Variants in ENOX2 observed in about 807,000 individuals in gnomAD.
ENOX2 encodes APK1 antigen.
A neutral mutation model predicts 45.0 loss-of-function variants in ENOX2; 36 were observed. The observed-to-expected ratio is 0.80, with a 90% CI of 0.61 to 1.06. ENOX2 has a LOEUF of 1.06. ENOX2 is among the 50% of genes least tolerant of loss of function. The pLI, the probability that ENOX2 is intolerant of heterozygous loss-of-function variation, is 0.00. For synonymous variants in ENOX2, 174 were observed against 152.3 expected, an observed-to-expected ratio of 1.14 and a Z score of -1.05; for missense variants, 423 against 462.5, an observed-to-expected ratio of 0.91 and a Z score of 0.78.
chrX:130,807,118 A>G (rs192232324), intron 2 of ENOX2, among the ~76,000 whole-genome samples: 4 of 112,445 alleles, frequency 3.6e-5, no homozygotes, highest in Non-Finnish European at 3.8e-5. Flanking sequence ...AAGGTCATTT[A>G]CTTTCCAATA....
chrX:130,635,563 TTAA>T (rs2035910604), intron 11 of ENOX2, among the ~76,000 whole-genome samples: 1 of 112,379 alleles, frequency 8.9e-6, no homozygotes, highest in Admixed American at 9.4e-5. Flanking sequence ...TTTAGCATTA[TTAA>T]TAATTTCAAC....
rs979947092 is a variant in ENOX2 at position 130,623,731 on chromosome X, T to C, written c.*1583A>G. The C allele has an allele frequency of 9.0e-6, 1 of 111,083 alleles. No individual in the cohort carries two copies. The highest frequency in any genetic ancestry group is 1.9e-5 in the Non-Finnish European group (1 of 53,052). The allele number at this position is 111,083 out of a possible 1,213,427, so 9.2% of individuals were successfully genotyped here. A position where few individuals can be genotyped will look rare whatever the true frequency, so the allele number is the denominator to read the frequency against. ...CCTGCTGGTGCCACAGCAGGGTGCT[T>C]CAGGGGGAAGCCAGTTTTCAGCACG... On this transcript the variant is annotated 3_prime_UTR_variant, in exon 15 of 15. Transcript: ENST00000394363.
intron 2 of ENOX2, among the ~76,000 whole-genome samples, chrX:130,852,959 T>C (rs184608467): frequency 3.1e-4 from 35 of 111,288 alleles, no homozygotes; most frequent in Non-Finnish European, 5.1e-4. Context: ...ATTTCTCCCA[T>C]TAAGTACAGC....
intron 2 of ENOX2, among the ~76,000 whole-genome samples, chrX:130,831,858 G>T (rs892236558): frequency 9.0e-6 from 1 of 110,982 alleles, no homozygotes; most frequent in Non-Finnish European, 1.9e-5. Flanking sequence ...GTACCAAAAA[G>T]GTGCTCAATA....
chrX:130,866,841 T>C (rs1040268396), intron 2 of ENOX2, among the ~76,000 whole-genome samples: 2 of 110,954 alleles, frequency 1.8e-5, no homozygotes. Flanking sequence ...AAGACAAGTT[T>C]CTTCACTTGT....
At chrX:130,752,545 T>G (rs1345653467) in intron 3 of ENOX2, among the ~76,000 whole-genome samples, 1 of 110,853 alleles carries the variant, frequency 9.0e-6, no homozygotes, top group African/African-American at 3.3e-5. Flanking sequence ...ACTGTCTCAG[T>G]GTCTCTCTCC....
intron 7 of ENOX2, among the ~76,000 whole-genome samples, chrX:130,669,223 C>G (rs2036916014): frequency 8.9e-6 from 1 of 111,805 alleles, no homozygotes; most frequent in South Asian, 3.7e-4. Flanking sequence ...CCAATAAAAT[C>G]ATCTATACTC....
intron 2 of ENOX2, among the ~76,000 whole-genome samples, chrX:130,883,331 G>A (rs1047039668): frequency 3.6e-5 from 4 of 111,015 alleles, no homozygotes; most frequent in African/African-American, 1.3e-4. Context: ...CGCTGGACTC[G>A]AACTCCTGAC....
At chrX:130,723,645 A>G (rs1289804037) in intron 3 of ENOX2, among the ~76,000 whole-genome samples, 1 of 112,031 alleles carries the variant, frequency 8.9e-6, no homozygotes, top group Non-Finnish European at 1.9e-5. Context: ...GTAGCATTAA[A>G]TATTACTCTT....
chrX:130,739,269 T>C (rs758288797), intron 3 of ENOX2, among the ~76,000 whole-genome samples: 2 of 112,485 alleles, frequency 1.8e-5, no homozygotes, highest in Non-Finnish European at 3.8e-5. Flanking sequence ...AGCCACACGA[T>C]CACGAGGGTA....
At chrX:130,804,167 C>T (rs938996499) in intron 2 of ENOX2, among the ~76,000 whole-genome samples, 2 of 111,804 alleles carry the variant, frequency 1.8e-5, no homozygotes, top group African/African-American at 3.2e-5. Flanking sequence ...ATAAAGAATA[C>T]CAAGGGTATG....
At chrX:130,773,194 G>A (rs774610916) in intron 3 of ENOX2, among the ~76,000 whole-genome samples, 7 of 111,476 alleles carry the variant, frequency 6.3e-5, no homozygotes, top group Middle Eastern at 4.3e-3. Context: ...CTATTTATTC[G>A]TTTTCTCACT....
chrX:130,766,249 A>G (rs1167507489), intron 3 of ENOX2, among the ~76,000 whole-genome samples: 1 of 111,684 alleles, frequency 9.0e-6, no homozygotes, highest in Non-Finnish European at 1.9e-5. Context: ...ATGTGTGTGT[A>G]CAATTTTCTG....
chrX:130,895,038 T>C lies in ENOX2; in HGVS notation c.-183+6646A>G, dbSNP rs765304869. ...TATTCCCAGAACACCTTCTCTCTCT[T>C]TTGGGTGCTTTTCACATCAAAATAC... On this transcript the variant is annotated intron_variant, in intron 2 of 14. Transcript: ENST00000394363. Among the ~76,000 whole-genome samples, 33 of 111,550 alleles carry C rather than the reference T, an allele frequency of 3.0e-4. No homozygotes were observed. In the East Asian group the frequency reaches 5.6e-3, roughly 19 times the overall value.
rs372938415 is a variant in ENOX2 at position 130,740,716 on chromosome X, T to A, written c.-38-37462A>T. Among the ~76,000 whole-genome samples the A allele has an allele frequency of 4.5e-5, 5 of 111,813 alleles. No homozygotes were observed. The East Asian group carries it at 1.4e-3, about 32-fold the overall frequency. On this transcript the variant is annotated intron_variant, in intron 3 of 14. Transcript: ENST00000394363. ...ATTTGAGTAGAGAGCAGTGGGAGAA[T>A]GTCAAGTAGAGCCATGATTCACTCT...
At chrX:130,881,640 T>C (rs2078812236) in intron 2 of ENOX2, among the ~76,000 whole-genome samples, 1 of 111,947 alleles carries the variant, frequency 8.9e-6, no homozygotes, top group Non-Finnish European at 1.9e-5. Flanking sequence ...TCTTGAATGG[T>C]ATTAAATATG....
chrX:130,677,036 C>G (rs1381885373), intron 6 of ENOX2, among the ~76,000 whole-genome samples: 1 of 111,925 alleles, frequency 8.9e-6, no homozygotes, highest in Admixed American at 9.5e-5. Context: ...CTCACTGTTT[C>G]CTGAATGTTT....
chrX:130,625,308 A>G lies in ENOX2; in HGVS notation c.*6T>C. On this transcript the variant is annotated 3_prime_UTR_variant, in exon 15 of 15. Transcript: ENST00000394363. ...TTCAGGATCCCAAGTTGTTAGGCAAAGAGATTTAGGTCAGCTTCAAGCCCT... is the reference window on the plus strand; with the variant it reads ...TTCAGGATCCCAAGTTGTTAGGCAAGGAGATTTAGGTCAGCTTCAAGCCCT... The G allele has an allele frequency of 2.5e-6, 3 of 1,208,171 alleles. No individual in the cohort carries two copies. The highest frequency in any genetic ancestry group is 3.4e-6 in the Non-Finnish European group (3 of 893,978).
chrX:130,757,421 A>G (rs2039378359), intron 3 of ENOX2, among the ~76,000 whole-genome samples: 1 of 112,200 alleles, frequency 8.9e-6, no homozygotes, highest in African/African-American at 3.2e-5. Context: ...GCACCTTCAC[A>G]TTCTCTGCAA....
Sources: allele counts gnomAD v4.1 joint callset (sites outside exome capture counted in the v4.1 genomes callset), GRCh38; gene constraint gnomAD v4.1.1; transcripts MANE v1.5; gene names NCBI Gene and HGNC (gene_info 2026-07-23, HGNC 2026-07-21).